Variants in AASS observed in about 807,000 individuals in gnomAD.
AASS encodes the protein alpha-aminoadipic semialdehyde synthase, mitochondrial.
AASS carries 86 observed loss-of-function variants against 105.4 expected under a neutral mutation model. The ratio of observed to expected loss-of-function variants is 0.82; its 90% CI spans 0.69 to 0.98. The LOEUF (loss-of-function observed/expected upper bound fraction) is 0.98, where lower values mean the gene tolerates loss of function less well. Ranked by LOEUF, AASS falls within the 50% of genes least tolerant of loss-of-function variation. AASS has a pLI of 0.00. For synonymous variants in AASS, 381 were observed against 394.8 expected, an observed-to-expected ratio of 0.96 and a Z score of 0.41; for missense variants, 1,048 against 1,143.2, an observed-to-expected ratio of 0.92 and a Z score of 1.20.
intron 22 of AASS, 127 bp from the exon 23 acceptor site, chr7:122,078,141 T>C: frequency 1.1e-6 from 1 of 882,666 alleles, no homozygotes; most frequent in South Asian, 1.4e-5. Context: ...TAGACAATTA[T>C]TTACACAGCT....
At chr7:122,133,807 C>T in intron 1 of AASS, 66 bp from the exon 2 acceptor site, 10 of 1,363,238 alleles carry the variant, frequency 7.3e-6, no homozygotes, top group Non-Finnish European at 1.0e-5. Flanking sequence ...GTTCTGGTCT[C>T]CTGAGAAATC....
chr7:122,110,762 G>A (rs1162788498), intron 11 of AASS, among the ~76,000 whole-genome samples: 1 of 151,446 alleles, frequency 6.6e-6, no homozygotes, highest in African/African-American at 2.4e-5. Flanking sequence ...ACAAAATAAT[G>A]TGGAGATATA....
chr7:122,126,057 T>C (rs56935750), intron 4 of AASS, among the ~76,000 whole-genome samples: 12,829 of 152,188 alleles, frequency 0.084, 608 homozygotes, highest in East Asian at 0.15. Context: ...TTTCTCCCTA[T>C]CTTCTAATTC....
At chr7:122,093,631 G>GA (rs1425041896) in intron 15 of AASS, among the ~76,000 whole-genome samples, 1 of 152,052 alleles carries the variant, frequency 6.6e-6, no homozygotes, top group African/African-American at 2.4e-5. Context: ...ACAAGATGGT[G>GA]AAACATCATC....
At chr7:122,084,930 G>A (rs1435939014) in intron 19 of AASS, among the ~76,000 whole-genome samples, 1 of 152,110 alleles carries the variant, frequency 6.6e-6, no homozygotes, top group African/African-American at 2.4e-5. Flanking sequence ...TTTTAGGTAT[G>A]CTGGTTACAT....
intron 23 of AASS, among the ~76,000 whole-genome samples, chr7:122,077,574 T>C (rs1336545710): frequency 2.0e-5 from 3 of 152,196 alleles, no homozygotes; most frequent in Non-Finnish European, 4.4e-5. Context: ...AGGAAACTCT[T>C]GCTCAAAGGT....
chr7:122,092,751 T>C lies in AASS; in HGVS notation c.1875+92A>G. On this transcript the variant is annotated intron_variant, in intron 17 of 23. Transcript: ENST00000417368. The stretch of plus-strand genomic sequence containing the variant: ...AAAAAAAAAAATCTTTAACTTTGAT[T>C]AAAGGTGTTGCTATATTATAACTCA... The C allele has an allele frequency of 2.7e-6, 3 of 1,099,734 alleles. No homozygotes were observed. In the South Asian group the frequency reaches 3.8e-5, roughly 14 times the overall value. 68.1% of individuals were successfully genotyped at this position (1,099,734 alleles called of 1,614,324 possible).
rs1452821799 is a variant in AASS at position 122,076,360 on chromosome 7, A to C, written c.*129T>G. On this transcript the variant is annotated 3_prime_UTR_variant, in exon 24 of 24. Coordinates refer to ENST00000417368, the MANE Select transcript of AASS (RefSeq NM_005763.4). ...ATTAAAATAAAGATTTATAGTTCAAAAAGTACATTGTGTTAACCAAAACAT... is the reference window on the plus strand; with the variant it reads ...ATTAAAATAAAGATTTATAGTTCAACAAGTACATTGTGTTAACCAAAACAT... 1 of 730,042 alleles carries C rather than the reference A, an allele frequency of 1.4e-6. No homozygotes were observed. Among genetic ancestry groups the C allele is most frequent in the Non-Finnish European group, 2.4e-6 (1 of 409,066 alleles). 45.2% of individuals were successfully genotyped at this position (730,042 alleles called of 1,614,324 possible). A position where few individuals can be genotyped will look rare whatever the true frequency, so the allele number is the denominator to read the frequency against.
chr7:122,123,073 G>A (rs1287973438), intron 4 of AASS, among the ~76,000 whole-genome samples: 1 of 152,136 alleles, frequency 6.6e-6, no homozygotes, highest in East Asian at 1.9e-4. Context: ...GACAAACTCT[G>A]AGAACAGTTT....
At chr7:122,108,057 T>C (rs1794752821) in intron 11 of AASS, among the ~76,000 whole-genome samples, 1 of 151,120 alleles carries the variant, frequency 6.6e-6, no homozygotes, top group South Asian at 2.1e-4. Context: ...GCCAAAAACT[T>C]GGAAAACCTA....
intron 15 of AASS, among the ~76,000 whole-genome samples, chr7:122,097,158 TTA>T (rs1794197896): frequency 1.3e-5 from 2 of 151,854 alleles, no homozygotes; most frequent in Admixed American, 1.3e-4. Context: ...CTACCTTTCA[TTA>T]TATGTTTTCC....
At chr7:122,086,289 A>T (rs1052308914) in intron 18 of AASS, 110 bp from the exon 19 acceptor site, 2 of 1,087,432 alleles carry the variant, frequency 1.8e-6, no homozygotes, top group Non-Finnish European at 2.7e-6. Flanking sequence ...AAAAAAATAA[A>T]AATAATGAAA....
intron 15 of AASS, 97 bp downstream of exon 15, chr7:122,098,353 C>T: frequency 6.9e-7 from 1 of 1,441,078 alleles, no homozygotes; most frequent in African/African-American, 1.4e-5. Context: ...AAACTTTACT[C>T]CAAAGGAGTA....
intron 15 of AASS, among the ~76,000 whole-genome samples, chr7:122,097,251 A>G (rs1195328965): frequency 6.6e-6 from 1 of 151,916 alleles, no homozygotes; most frequent in Non-Finnish European, 1.5e-5. Flanking sequence ...TGTGAAAGTG[A>G]CTAGGTAATC....
At chr7:122,094,955 C>T (rs562466558) in intron 15 of AASS, among the ~76,000 whole-genome samples, 10 of 152,108 alleles carry the variant, frequency 6.6e-5, no homozygotes, top group Admixed American at 2.0e-4. Context: ...GGAAAGCCCA[C>T]GACAGAAAAC....
chr7:122,134,506 C>A (rs1361154925), intron 1 of AASS, among the ~76,000 whole-genome samples: 1 of 152,166 alleles, frequency 6.6e-6, no homozygotes, highest in African/African-American at 2.4e-5. Context: ...TACAGGTGCA[C>A]AACCACCCAC....
intron 1 of AASS, among the ~76,000 whole-genome samples, chr7:122,139,431 A>C (rs279704): frequency 0.63 from 95,314 of 151,892 alleles, 31,750 homozygotes; most frequent in African/African-American, 0.88. Context: ...TCAAAGTGGG[A>C]CTGATAGAAT....
intron 4 of AASS, among the ~76,000 whole-genome samples, chr7:122,121,663 G>C (rs79676153): frequency 6.6e-6 from 1 of 152,146 alleles, no homozygotes; most frequent in Non-Finnish European, 1.5e-5. Flanking sequence ...CAAAGTGAGC[G>C]ACTGGGCCCA....
intron 18 of AASS, among the ~76,000 whole-genome samples, chr7:122,087,943 T>A (rs1793704848): frequency 6.6e-6 from 1 of 152,154 alleles, no homozygotes; most frequent in Non-Finnish European, 1.5e-5. Flanking sequence ...ATTCATTTAG[T>A]GAGAATGGCA....
Sources: allele counts gnomAD v4.1 joint callset (sites outside exome capture counted in the v4.1 genomes callset), GRCh38; gene constraint gnomAD v4.1.1; transcripts MANE v1.5; gene names NCBI Gene and HGNC (gene_info 2026-07-23, HGNC 2026-07-21).